Variants in MAN1A1 observed in about 807,000 individuals in gnomAD.
The protein encoded by MAN1A1 is mannosidase alpha class 1A member 1.
MAN1A1 carries 29 observed loss-of-function variants against 70.8 expected under a neutral mutation model. The ratio of observed to expected loss-of-function variants is 0.41; its 90% CI spans 0.31 to 0.56. The LOEUF (loss-of-function observed/expected upper bound fraction) is 0.56. Ranked by LOEUF, MAN1A1 falls within the 20% of genes least tolerant of loss-of-function variation. The pLI, the probability that MAN1A1 is intolerant of heterozygous loss-of-function variation, is 0.29. For missense variants in MAN1A1, 747 were observed against 841.3 expected (o/e 0.89, Z 1.39); for synonymous variants, 349 against 330.1 (o/e 1.06, Z -0.62).
At chr6:119,198,861 C>G (rs1773642021) in intron 8 of MAN1A1, among the ~76,000 whole-genome samples, 1 of 152,170 alleles carries the variant, frequency 6.6e-6, no homozygotes, top group South Asian at 2.1e-4. Context: ...GCTTTTCACA[C>G]AATTGTGGAT....
chr6:119,195,311 C>T (rs1773539725), intron 8 of MAN1A1, among the ~76,000 whole-genome samples: 1 of 152,212 alleles, frequency 6.6e-6, no homozygotes, highest in Admixed American at 6.5e-5. Context: ...TCTCTGCTCA[C>T]TTGCTATAAA....
chr6:119,271,705 T>C (rs1457382204), intron 5 of MAN1A1, among the ~76,000 whole-genome samples: 1 of 152,064 alleles, frequency 6.6e-6, no homozygotes, highest in East Asian at 1.9e-4. Flanking sequence ...GGTCTCACCA[T>C]GTTTGCCAGC....
intron 11 of MAN1A1, among the ~76,000 whole-genome samples, chr6:119,187,066 A>G (rs1457353220): frequency 2.6e-5 from 4 of 152,330 alleles, no homozygotes; most frequent in African/African-American, 9.6e-5. Flanking sequence ...AAACCAAAGC[A>G]TCCTGTCTAC....
rs568241587 is a variant in MAN1A1 at position 119,250,704 on chromosome 6, T to C, written c.898-2350A>G. ...TGTCAGTTACTCCCCACCTGCCTCT[T>C]CCCCGACATACACACTTTTAATCAT... On this transcript the variant is annotated intron_variant, in intron 5 of 12. Transcript: ENST00000368468. Among the ~76,000 whole-genome samples, 106 of 151,116 alleles carry C rather than the reference T, an allele frequency of 7.0e-4. 1 individual carries two copies. The highest frequency in any genetic ancestry group is 2.5e-3 in the African/African-American group (104 of 41,180).
chr6:119,194,913 ACCT>A (rs1773529979), intron 8 of MAN1A1, among the ~76,000 whole-genome samples: 1 of 151,160 alleles, frequency 6.6e-6, no homozygotes, highest in Non-Finnish European at 1.5e-5. Flanking sequence ...GCTCATGGCA[ACCT>A]CCGCCTCCCA....
intron 6 of MAN1A1, among the ~76,000 whole-genome samples, chr6:119,214,620 A>G (rs1216631568): frequency 6.6e-6 from 1 of 152,022 alleles, no homozygotes; most frequent in Non-Finnish European, 1.5e-5. Context: ...CCTGGGCTCA[A>G]GCACTCTTCC....
At chr6:119,322,564 GT>G (rs1773039793) in intron 2 of MAN1A1, among the ~76,000 whole-genome samples, 1 of 152,082 alleles carries the variant, frequency 6.6e-6, no homozygotes, top group Non-Finnish European at 1.5e-5. Context: ...AAGAAACATG[GT>G]CCTGTGTGTG....
chr6:119,316,809 G>A (rs752801714), intron 2 of MAN1A1, among the ~76,000 whole-genome samples: 14 of 151,754 alleles, frequency 9.2e-5, no homozygotes, highest in Admixed American at 6.6e-4. Flanking sequence ...AATACTATGA[G>A]GTTATCACTA....
Position 119,281,733 on chromosome 6 carries a change from C to G in MAN1A1, c.897+8950G>C, listed in dbSNP as rs137962973. On this transcript the variant is annotated intron_variant, in intron 5 of 12. Coordinates refer to ENST00000368468, the MANE Select transcript of MAN1A1 (RefSeq NM_005907.4). Reference sequence around the variant, plus strand: ...GCTATGTGTAGGGAACTATGCTAAACTAAAAGGGATAAAAATATTTCGTTA... The same window carrying G: ...GCTATGTGTAGGGAACTATGCTAAAGTAAAAGGGATAAAAATATTTCGTTA... Among the ~76,000 whole-genome samples the G allele has an allele frequency of 1.6e-3, 243 of 152,060 alleles. 2 individuals carry two copies. Among genetic ancestry groups the G allele is most frequent in the African/African-American group, 5.3e-3 (218 of 41,486 alleles).
At chr6:119,277,711 T>G (rs1182466539) in intron 5 of MAN1A1, among the ~76,000 whole-genome samples, 1 of 150,852 alleles carries the variant, frequency 6.6e-6, no homozygotes, top group Non-Finnish European at 1.5e-5. Context: ...CCGAGGTGGG[T>G]GAATCACGAG....
chr6:119,195,632 T>C (rs1217762083), intron 8 of MAN1A1, among the ~76,000 whole-genome samples: 5 of 152,208 alleles, frequency 3.3e-5, no homozygotes, highest in African/African-American at 1.2e-4. Flanking sequence ...ACCAGACCTA[T>C]TATGTTTCCC....
intron 8 of MAN1A1, among the ~76,000 whole-genome samples, chr6:119,198,285 G>A (rs1246213544): frequency 6.6e-6 from 1 of 152,218 alleles, no homozygotes; most frequent in African/African-American, 2.4e-5. Flanking sequence ...AGCTACTCGG[G>A]AGGCTGAGGC....
chr6:119,297,218 A>ACC (rs1772239889), intron 4 of MAN1A1, among the ~76,000 whole-genome samples: 1 of 152,180 alleles, frequency 6.6e-6, no homozygotes, highest in Non-Finnish European at 1.5e-5. Context: ...AGGTTAGGTA[A>ACC]TAACAGGTAG....
At chr6:119,232,679 ATGTGTGTGTGTGTGTGTG>A (rs78960133) in intron 6 of MAN1A1, among the ~76,000 whole-genome samples, 19 of 143,510 alleles carry the variant, frequency 1.3e-4, no homozygotes, top group Non-Finnish European at 1.4e-4. Context: ...ACACATATAT[ATGTGTGTGTGTGTGTGTG>A]TGTGTGTGTG....
In MAN1A1 at chr6:119,200,546, C is replaced by G. The variant is rs115050026; in HGVS notation, c.1210+708G>C. ...ATCTTAAGGCAGTGTACTCTTGCTA[C>G]AGTTGGGTATCTCAATATTCTTCAC... On this transcript the variant is annotated intron_variant, in intron 8 of 12. Coordinates refer to ENST00000368468, the MANE Select transcript of MAN1A1 (RefSeq NM_005907.4). Among the ~76,000 whole-genome samples the G allele has an allele frequency of 2.8e-3, 423 of 152,308 alleles. 4 individuals are homozygous for G. Among genetic ancestry groups the G allele is most frequent in the African/African-American group, 9.4e-3 (390 of 41,572 alleles).
At chr6:119,196,245 A>G (rs1312289986) in intron 8 of MAN1A1, among the ~76,000 whole-genome samples, 1 of 152,116 alleles carries the variant, frequency 6.6e-6, no homozygotes, top group Admixed American at 6.5e-5. Flanking sequence ...AGTGTTATAT[A>G]AGAATACATT....
intron 6 of MAN1A1, among the ~76,000 whole-genome samples, chr6:119,228,993 AT>A (rs994364679): frequency 2.0e-5 from 3 of 152,152 alleles, no homozygotes; most frequent in Admixed American, 6.5e-5. Flanking sequence ...AATAATGCTA[AT>A]TTTCTGCAGT....
intron 6 of MAN1A1, among the ~76,000 whole-genome samples, chr6:119,211,637 T>C (rs538169622): frequency 4.6e-5 from 7 of 152,122 alleles, no homozygotes; most frequent in Non-Finnish European, 8.8e-5. Context: ...GATCCCATGA[T>C]TTACCATCAC....
At chr6:119,283,706 T>C (rs1007134583) in intron 5 of MAN1A1, among the ~76,000 whole-genome samples, 1 of 151,948 alleles carries the variant, frequency 6.6e-6, no homozygotes, top group Non-Finnish European at 1.5e-5. Flanking sequence ...GGTGCGTTTT[T>C]TGGAAGAAAA....
Sources: gnomAD v4.1 joint callset for allele counts (sites outside exome capture counted in the v4.1 genomes callset) on GRCh38, gnomAD v4.1.1 for gene constraint, MANE v1.5 for transcripts, NCBI Gene and HGNC (gene_info 2026-07-23, HGNC 2026-07-21) for gene names.